Variants in GALNT18 observed in about 807,000 individuals in gnomAD.
GALNT18 encodes the protein GalNAc-transferase 18.
A neutral mutation model predicts 69.5 loss-of-function variants in GALNT18; 44 were observed. That is an observed-to-expected ratio of 0.63 (90% CI 0.50 to 0.81). The LOEUF is 0.81. GALNT18 is among the 40% of genes least tolerant of loss of function. The probability of loss-of-function intolerance (pLI) is 0.00; values close to 1 mark genes in which losing one functional copy is unlikely to be tolerated. For missense variants in GALNT18, 715 were observed against 810.0 expected (o/e 0.88, Z 1.42); for synonymous variants, 364 against 318.2 (o/e 1.14, Z -1.53).
At chr11:11,418,416 T>A (rs1257627463) in intron 3 of GALNT18, among the ~76,000 whole-genome samples, 1 of 152,214 alleles carries the variant, frequency 6.6e-6, no homozygotes, top group Non-Finnish European at 1.5e-5. Context: ...CCTTCCCTAA[T>A]TAAGACGATT....
intron 1 of GALNT18, among the ~76,000 whole-genome samples, chr11:11,510,277 A>ACGTAC (rs1273780364): frequency 8.5e-5 from 13 of 152,348 alleles, no homozygotes; most frequent in Middle Eastern, 3.4e-3. Flanking sequence ...GCCTGGCACT[A>ACGTAC]AAGTACACAA....
At chr11:11,486,404 C>G (rs1408630619) in intron 1 of GALNT18, among the ~76,000 whole-genome samples, 1 of 152,168 alleles carries the variant, frequency 6.6e-6, no homozygotes, top group Admixed American at 6.5e-5. Context: ...TTGGGCACCC[C>G]AGGACACTTG....
At chr11:11,368,174 G>A (rs1029725993) in intron 6 of GALNT18, among the ~76,000 whole-genome samples, 3 of 152,180 alleles carry the variant, frequency 2.0e-5, no homozygotes, top group Non-Finnish European at 4.4e-5. Flanking sequence ...TGAAAAGTCA[G>A]CTGTTATTCT....
chr11:11,604,948 TA>T lies in GALNT18; in HGVS notation c.235+16410del, dbSNP rs1027041865. ...GCTCCTGGCCGTGAGTCTGCGGAGG[TA>T]AAAAAAAAGAATGGAATAGTCCTTT... On this transcript the variant is annotated intron_variant, in intron 1 of 10. Coordinates refer to ENST00000227756, the MANE Select transcript of GALNT18 (RefSeq NM_198516.3). This position sits in a 1 kb window ranked among gnomAD's most constrained non-coding sequence, Gnocchi z 5.6. Among the ~76,000 whole-genome samples the T allele has an allele frequency of 1.3e-5, 2 of 151,208 alleles. No individual in the cohort carries two copies. Among genetic ancestry groups the T allele is most frequent in the East Asian group, 1.9e-4 (1 of 5,144 alleles).
In GALNT18 at chr11:11,432,482, A is replaced by C; in HGVS notation, c.595+139T>G. 1.2e-6 allele frequency: 1 copy of C among 844,714 alleles called. No individual in the cohort carries two copies. The highest frequency in any genetic ancestry group is 2.7e-5 in the East Asian group (1 of 37,156). 52.3% of individuals were successfully genotyped at this position (844,714 alleles called of 1,614,324 possible). A position where few individuals can be genotyped will look rare whatever the true frequency, so the allele number is the denominator to read the frequency against. ...GAGTGAACCTTCTGAAGCAGTGGCC[A>C]CCATGAATTTCTCATCTATGCTCCA... On this transcript the variant is annotated intron_variant, in intron 3 of 10. Transcript: ENST00000227756. The surrounding 1 kb of genome is among the most constrained non-coding windows in gnomAD (Gnocchi z 5.8).
chr11:11,379,610 G>C (rs1419497285), intron 3 of GALNT18, among the ~76,000 whole-genome samples: 1 of 152,176 alleles, frequency 6.6e-6, no homozygotes, highest in African/African-American at 2.4e-5. Flanking sequence ...CTTGTGAGTG[G>C]CACAGTCCAC....
Position 11,377,637 on chromosome 11 carries a change from C to T in GALNT18, c.780-258G>A, listed in dbSNP as rs1358575814. ...GCTGAGAGATTCTTATTCCAGCCAA[C>T]CTTGTGCCTGCTCGCTTTCCCTTTC... On this transcript the variant is annotated intron_variant, in intron 4 of 10. Transcript: ENST00000227756. This position sits in a 1 kb window ranked among gnomAD's most constrained non-coding sequence, Gnocchi z 4.6. 1.3e-5 allele frequency among the ~76,000 whole-genome samples: 2 copies of T among 151,260 alleles called. No homozygotes were observed. The highest frequency in any genetic ancestry group is 3.9e-4 in the East Asian group (2 of 5,174).
At chr11:11,361,305 C>A (rs1046123499) in intron 6 of GALNT18, among the ~76,000 whole-genome samples, 8 of 152,174 alleles carry the variant, frequency 5.3e-5, no homozygotes, top group African/African-American at 1.9e-4. Context: ...CGCATCTTTA[C>A]CACTTACCAG....
chr11:11,550,092 G>T (rs1384378343), intron 1 of GALNT18, among the ~76,000 whole-genome samples: 1 of 152,220 alleles, frequency 6.6e-6, no homozygotes, highest in Non-Finnish European at 1.5e-5. Flanking sequence ...GAATCAAGCA[G>T]CATTACAGGG....
Position 11,376,919 on chromosome 11 carries a change from C to T in GALNT18, c.977+263G>A, listed in dbSNP as rs536298533. Among the ~76,000 whole-genome samples the T allele has an allele frequency of 8.1e-4, 124 of 152,304 alleles. 3 individuals carry two copies. The South Asian group carries it at 0.024, about 30-fold the overall frequency. The stretch of plus-strand genomic sequence containing the variant: ...AACCAAATCTTCATCACTCCGGATC[C>T]CCAACCTGGAGCACAGTGGTTGGCG... On this transcript the variant is annotated intron_variant, in intron 5 of 10. Transcript: ENST00000227756.
intron 1 of GALNT18, among the ~76,000 whole-genome samples, chr11:11,607,235 A>G (rs769107001): frequency 4.6e-5 from 7 of 152,272 alleles, no homozygotes; most frequent in Non-Finnish European, 8.8e-5. Context: ...TTGTTGAAAA[A>G]TAAGCAAAAC....
chr11:11,284,908 G>GTTTTTTTTTTTTTTTTTTTTTTTTTT (rs58795517), intron 10 of GALNT18, among the ~76,000 whole-genome samples: 1 of 82,822 alleles, frequency 1.2e-5, no homozygotes, highest in African/African-American at 6.1e-5. Context: ...AGACTTTCGT[G>GTTTTTTTTTTTTTTTTTTTTTTTTTT]TTTTTTTTTT....
intron 9 of GALNT18, among the ~76,000 whole-genome samples, chr11:11,308,631 T>C (rs892581279): frequency 5.9e-5 from 9 of 152,166 alleles, no homozygotes; most frequent in African/African-American, 2.2e-4. Context: ...AAGGTGGAGT[T>C]GACACTCTCC....
Position 11,605,648 on chromosome 11 carries a change from A to G in GALNT18, c.235+15711T>C, listed in dbSNP as rs144310247. Among the ~76,000 whole-genome samples the G allele has an allele frequency of 1.3e-5, 2 of 152,328 alleles. No individual in the cohort carries two copies. Among genetic ancestry groups the G allele is most frequent in the African/African-American group, 2.4e-5 (1 of 41,576 alleles). ...CTTTCTAGTGACTCTTCAGGTGTCA[A>G]TTAAAATGACTTCAATGCTGTCTCT... On this transcript the variant is annotated intron_variant, in intron 1 of 10. Coordinates refer to ENST00000227756, the MANE Select transcript of GALNT18 (RefSeq NM_198516.3). This position sits in a 1 kb window ranked among gnomAD's most constrained non-coding sequence, Gnocchi z 4.7.
intron 1 of GALNT18, among the ~76,000 whole-genome samples, chr11:11,457,726 G>C (rs898810276): frequency 5.2e-4 from 79 of 152,018 alleles, no homozygotes; most frequent in Non-Finnish European, 1.0e-3. Context: ...GTGCTCCCAG[G>C]AAACCACTGG....
chr11:11,589,534 G>A (rs543160493), intron 1 of GALNT18, among the ~76,000 whole-genome samples: 4 of 151,778 alleles, frequency 2.6e-5, no homozygotes, highest in Admixed American at 2.6e-4. Context: ...GAAACTGTTA[G>A]CTCCATACTC....
rs112344532 is a variant in GALNT18, at chr11:11,597,295, C to G, written c.235+24064G>C. On this transcript the variant is annotated intron_variant, in intron 1 of 10. Coordinates refer to ENST00000227756, the MANE Select transcript of GALNT18 (RefSeq NM_198516.3). ...GTCTGGTTTTGATATCAGGGTTACA[C>G]TGGCTTCATAAAATGAGTTGACAAG... Among the ~76,000 whole-genome samples the G allele has an allele frequency of 8.1e-3, 1,231 of 152,280 alleles. 14 individuals are homozygous for G. Among genetic ancestry groups the G allele is most frequent in the African/African-American group, 0.028 (1,174 of 41,544 alleles).
At chr11:11,311,927 G>A (rs1849679344) in intron 9 of GALNT18, among the ~76,000 whole-genome samples, 1 of 152,190 alleles carries the variant, frequency 6.6e-6, no homozygotes, top group African/African-American at 2.4e-5. Flanking sequence ...GGTTAGGGGT[G>A]CTGACTCCCC....
intron 10 of GALNT18, among the ~76,000 whole-genome samples, chr11:11,276,626 A>C (rs943058702): frequency 3.6e-4 from 54 of 151,770 alleles, no homozygotes; most frequent in African/African-American, 1.2e-3. Context: ...TCACCCATTC[A>C]GTATGATATT....
Sources: gnomAD v4.1 joint callset for allele counts (sites outside exome capture counted in the v4.1 genomes callset) on GRCh38, gnomAD v4.1.1 for gene constraint, Gnocchi (gnomAD v3.1) non-coding constraint, MANE v1.5 for transcripts, NCBI Gene and HGNC (gene_info 2026-07-23, HGNC 2026-07-21) for gene names.